Variants in TMPRSS11E observed in about 807,000 individuals in gnomAD.
The protein encoded by TMPRSS11E is transmembrane protease serine 11E.
In TMPRSS11E, 38 loss-of-function variants were observed where a neutral mutation model predicts 48.1. The observed-to-expected ratio is 0.79, with a 90% confidence interval of 0.61 to 1.04. The LOEUF is 1.04. Ranked by LOEUF, TMPRSS11E falls within the 50% of genes least tolerant of loss-of-function variation. The probability of loss-of-function intolerance (pLI) is 0.00; values close to 1 mark genes in which losing one functional copy is unlikely to be tolerated. For missense variants in TMPRSS11E, 530 were observed against 510.8 expected, an observed-to-expected ratio of 1.04 and a Z score of -0.36; for synonymous variants, 158 against 171.9, an observed-to-expected ratio of 0.92 and a Z score of 0.63.
At chr4:68,470,478 C>A (rs1330766837) in intron 4 of TMPRSS11E, among the ~76,000 whole-genome samples, 1 of 151,736 alleles carries the variant, frequency 6.6e-6, no homozygotes, top group African/African-American at 2.4e-5. Context: ...ATTTTCGTGT[C>A]CTGAAAATAG....
intron 2 of TMPRSS11E, among the ~76,000 whole-genome samples, chr4:68,465,603 AAT>A (rs1245012699): frequency 2.1e-5 from 3 of 145,270 alleles, no homozygotes; most frequent in African/African-American, 7.4e-5. Flanking sequence ...TTGTAAATTA[AAT>A]GAGATATGTG....
Position 68,461,861 on chromosome 4 carries a change from C to T in TMPRSS11E, c.52C>T (p.Pro18Ser), listed in dbSNP as rs1233854381. The change falls in exon 2 of 10, where the codon CCC (proline) becomes TCC (serine). Residue 18 changes from proline to serine, a missense_variant. By Grantham distance (74) the Pro-to-Ser change is moderately conservative. Transcript: ENST00000305363. Reference protein sequence around the residue: ...VRARKRVCWEPWVIGLVIFIS... With the variant: ...VRARKRVCWESWVIGLVIFIS... Reference sequence around the variant, plus strand: ...GGCTAGGAAAAGAGTTTGTTGGGAACCCTGGGTTATCGGCCTCGTCATCTT... The same window carrying T: ...GGCTAGGAAAAGAGTTTGTTGGGAATCCTGGGTTATCGGCCTCGTCATCTT... The T allele has an allele frequency of 2.5e-6, 4 of 1,614,014 alleles. No individual in the cohort carries two copies. The African/African-American group carries it at 4.0e-5, about 16-fold the overall frequency.
At chr4:68,455,177 C>T (rs1182688335) in intron 1 of TMPRSS11E, among the ~76,000 whole-genome samples, 1 of 151,874 alleles carries the variant, frequency 6.6e-6, no homozygotes, top group Non-Finnish European at 1.5e-5. Flanking sequence ...CAAATTATTT[C>T]AAATTATCTG....
intron 9 of TMPRSS11E, among the ~76,000 whole-genome samples, chr4:68,479,349 C>T (rs189480050): frequency 9.2e-5 from 14 of 152,036 alleles, no homozygotes; most frequent in African/African-American, 2.9e-4. Context: ...TATAATTTTT[C>T]AATTTTCAGA....
intron 8 of TMPRSS11E, among the ~76,000 whole-genome samples, chr4:68,478,232 T>A (rs1230600292): frequency 6.8e-6 from 1 of 147,674 alleles, no homozygotes; most frequent in East Asian, 2.0e-4. Context: ...CTTGGCTCAC[T>A]GCAACCTCTG....
chr4:68,452,777 TTTAA>T (rs1728534750), intron 1 of TMPRSS11E, among the ~76,000 whole-genome samples: 1 of 151,928 alleles, frequency 6.6e-6, no homozygotes. Flanking sequence ...AAACCAATCT[TTTAA>T]TTATATAGTA....
rs772080132 is a variant in TMPRSS11E at position 68,478,909 on chromosome 4, A to G, written c.1028A>G (p.Asn343Ser). Reference protein sequence around the residue: ...QVTLIDATTCNEPQAYNDAIT... With the variant: ...QVTLIDATTCSEPQAYNDAIT... ...ACTCTCATAGACGCTACAACTTGCA[A>G]TGAACCTCAAGCTTACAATGACGCC... Residue 343 changes from asparagine to serine, a missense_variant, in exon 9 of 10, where the codon AAT becomes AGT. Physicochemically the swap from Asn to Ser is conservative, Grantham distance 46. Transcript: ENST00000305363. 1.9e-6 allele frequency: 3 copies of G among 1,614,104 alleles called. No individual in the cohort carries two copies. In the East Asian group the frequency reaches 6.7e-5, roughly 36 times the overall value.
In TMPRSS11E at chr4:68,496,843, G is replaced by C; in HGVS notation, c.*39G>C. The C allele has an allele frequency of 6.4e-7, 1 of 1,561,324 alleles. No individual in the cohort carries two copies. Among genetic ancestry groups the C allele is most frequent in the African/African-American group, 1.4e-5 (1 of 72,010 alleles). On this transcript the variant is annotated 3_prime_UTR_variant, in exon 10 of 10. Coordinates refer to ENST00000305363, the MANE Select transcript of TMPRSS11E (RefSeq NM_014058.4). ...CATGGAACAGATAACATTTTTTTTT[G>C]TTTTTTGGGTGTGGAGGCCATTTTT...
intron 5 of TMPRSS11E, 31 bp from the exon 6 acceptor site, chr4:68,474,692 T>A: frequency 6.2e-7 from 1 of 1,605,196 alleles, no homozygotes. Flanking sequence ...TCTGATGTGC[T>A]GACCCTATTT....
chr4:68,493,649 T>C (rs1193323465), intron 9 of TMPRSS11E, among the ~76,000 whole-genome samples: 2 of 152,102 alleles, frequency 1.3e-5, no homozygotes, highest in Non-Finnish European at 2.9e-5. Context: ...GTATTTTTAG[T>C]AGAGACAAGG....
In TMPRSS11E at chr4:68,482,186, T is replaced by C. The variant is rs371204563; in HGVS notation, c.1110+3195T>C. On this transcript the variant is annotated intron_variant, in intron 9 of 9. Transcript: ENST00000305363. ...GAGGGATAGAGGTGCCATACACTTT[T>C]AAACAATCCGATCTCACAAGAGCTC... Among the ~76,000 whole-genome samples the C allele has an allele frequency of 3.6e-4, 43 of 121,096 alleles. No homozygotes were observed. In the South Asian group the frequency reaches 8.5e-3, roughly 24 times the overall value. The allele number at this position is 121,096 out of a possible 152,430, so 79.4% of individuals were successfully genotyped here.
intron 7 of TMPRSS11E, 90 bp downstream of exon 7, chr4:68,476,528 G>A: frequency 2.3e-6 from 3 of 1,330,092 alleles, no homozygotes; most frequent in Non-Finnish European, 3.1e-6. Context: ...GGAGATATGA[G>A]TTTAGCATAA....
intron 9 of TMPRSS11E, among the ~76,000 whole-genome samples, chr4:68,487,619 TA>T (rs1729596339): frequency 6.6e-6 from 1 of 152,088 alleles, no homozygotes; most frequent in South Asian, 2.1e-4. Context: ...AGTCTGGTGG[TA>T]ATAAATTCCC....
Position 68,456,046 on chromosome 4 carries a change from G to C in TMPRSS11E, c.12-5775G>C, listed in dbSNP as rs571953913. Among the ~76,000 whole-genome samples, 8 of 151,874 alleles carry C rather than the reference G, an allele frequency of 5.3e-5. 1 individual carries two copies. Among genetic ancestry groups the C allele is most frequent in the Admixed American group, 4.6e-4 (7 of 15,220 alleles). ...CTTAAATATCAGTTTGTAGTCACCT[G>C]TGCTGTACCATATTTAGTTGGGAAC... On this transcript the variant is annotated intron_variant, in intron 1 of 9. Coordinates refer to ENST00000305363, the MANE Select transcript of TMPRSS11E (RefSeq NM_014058.4).
chr4:68,454,100 A>G (rs955209237), intron 1 of TMPRSS11E, among the ~76,000 whole-genome samples: 1 of 151,960 alleles, frequency 6.6e-6, no homozygotes, highest in Non-Finnish European at 1.5e-5. Flanking sequence ...ATTAGAAAAA[A>G]AAGAATAAAT....
At chr4:68,480,738 TTTG>T (rs1027530551) in intron 9 of TMPRSS11E, among the ~76,000 whole-genome samples, 31 of 152,238 alleles carry the variant, frequency 2.0e-4, no homozygotes, top group Middle Eastern at 3.4e-3. Context: ...TTTATTCTGT[TTTG>T]TTGTTGTTGT....
chr4:68,453,611 A>G (rs1309176171), intron 1 of TMPRSS11E, among the ~76,000 whole-genome samples: 2 of 151,962 alleles, frequency 1.3e-5, no homozygotes, highest in Non-Finnish European at 2.9e-5. Context: ...ATTAGTAAAT[A>G]CACGTCTTCA....
At chr4:68,465,770 TG>T (rs2109679740) in intron 2 of TMPRSS11E, among the ~76,000 whole-genome samples, 1 of 152,290 alleles carries the variant, frequency 6.6e-6, no homozygotes, top group South Asian at 2.1e-4. Flanking sequence ...ACAACTGTCT[TG>T]ATCACCAGTG....
intron 4 of TMPRSS11E, among the ~76,000 whole-genome samples, chr4:68,469,641 C>T (rs1028084696): frequency 6.6e-6 from 1 of 151,908 alleles, no homozygotes; most frequent in Non-Finnish European, 1.5e-5. Context: ...TGAGATACTG[C>T]CCTTTCTTGG....
Sources: gnomAD v4.1 joint callset for allele counts (sites outside exome capture counted in the v4.1 genomes callset) on GRCh38, gnomAD v4.1.1 for gene constraint, MANE v1.5 for transcripts, NCBI Gene and HGNC (gene_info 2026-07-23, HGNC 2026-07-21) for gene names.